SPAG16: variants seen among roughly 807,000 people sequenced by gnomAD.
SPAG16 encodes the protein sperm associated antigen 16.
Under a neutral mutation model 80.4 loss-of-function variants are expected in SPAG16, and 86 were observed. The observed-to-expected ratio is 1.07, with a 90% CI of 0.90 to 1.28. SPAG16 has a LOEUF of 1.28. SPAG16 is among the 50% of genes most tolerant of loss of function. The pLI is 0.00. For missense variants in SPAG16, 870 were observed against 765.3 expected, an observed-to-expected ratio of 1.14 and a Z score of -1.61; for synonymous variants, 294 against 265.9, an observed-to-expected ratio of 1.11 and a Z score of -1.03.
rs988706349 is a variant in SPAG16, at chr2:213,812,805, G to A, written c.1071-49680G>A. On this transcript the variant is annotated intron_variant, in intron 10 of 15. Transcript: ENST00000331683. ...CCTATCATCTCTAGGAAACTGGGACGAGTACTTAAAACTAAACATGTTTTG... is the reference window on the plus strand; with the variant it reads ...CCTATCATCTCTAGGAAACTGGGACAAGTACTTAAAACTAAACATGTTTTG... Among the ~76,000 whole-genome samples, 14 of 151,902 alleles carry A rather than the reference G, an allele frequency of 9.2e-5. No individual in the cohort carries two copies. In the South Asian group the frequency reaches 1.9e-3, roughly 20 times the overall value.
intron 15 of SPAG16, among the ~76,000 whole-genome samples, chr2:214,340,849 C>T (rs1170104247): frequency 6.6e-6 from 1 of 152,144 alleles, no homozygotes; most frequent in East Asian, 1.9e-4. Flanking sequence ...CACTCAGAAA[C>T]AGTCTTCTTT....
chr2:213,590,446 G>GAA (rs112750165), intron 10 of SPAG16, among the ~76,000 whole-genome samples: 12 of 123,826 alleles, frequency 9.7e-5, no homozygotes, highest in African/African-American at 2.4e-4. Context: ...AAAACAACAA[G>GAA]AAAAAAAAAA....
intron 11 of SPAG16, among the ~76,000 whole-genome samples, chr2:213,922,601 T>A (rs2078276021): frequency 6.6e-6 from 1 of 152,224 alleles, no homozygotes; most frequent in African/African-American, 2.4e-5. Context: ...AAGAAGGTAC[T>A]CTGGCTTTTC....
At position 213,428,821 on chromosome 2, in the gene SPAG16, G is replaced by T. The variant is rs1202071282; in HGVS notation, c.942+53702G>T. ...GAATGAGAGGAGAAGGCTGGGCATG[G>T]TGGCTCATGCCTGTAATCCCAGCAC... On this transcript the variant is annotated intron_variant, in intron 9 of 15. Transcript: ENST00000331683. Among the ~76,000 whole-genome samples the T allele has an allele frequency of 2.6e-5, 4 of 152,142 alleles. No homozygotes were observed. The East Asian group carries it at 7.7e-4, about 29-fold the overall frequency.
intron 1 of SPAG16, among the ~76,000 whole-genome samples, chr2:213,294,278 T>G (rs2062413370): frequency 6.6e-6 from 1 of 152,084 alleles, no homozygotes; most frequent in Admixed American, 6.5e-5. Context: ...GCTTTGAAAC[T>G]GGGGATTAGG....
At chr2:213,695,986 A>G (rs1437061199) in intron 10 of SPAG16, among the ~76,000 whole-genome samples, 1 of 152,202 alleles carries the variant, frequency 6.6e-6, no homozygotes, top group African/African-American at 2.4e-5. Flanking sequence ...ATTATTTAGT[A>G]GGTAATTCAA....
At chr2:214,294,893 G>A (rs547063633) in intron 15 of SPAG16, among the ~76,000 whole-genome samples, 1 of 152,120 alleles carries the variant, frequency 6.6e-6, no homozygotes, top group African/African-American at 2.4e-5. Flanking sequence ...TTAGTATGTA[G>A]CCAACATTAA....
rs534177989 is a variant in SPAG16, at chr2:213,976,193, T to A, written c.1401-37758T>A. ...ATATATATACATGTATGTGCGTATG[T>A]GTATATATACACATACATATGTACG... On this transcript the variant is annotated intron_variant, in intron 12 of 15. Transcript: ENST00000331683. Among the ~76,000 whole-genome samples the A allele has an allele frequency of 1.5e-4, 22 of 150,118 alleles. No homozygotes were observed. The South Asian group carries it at 4.2e-3, about 28-fold the overall frequency.
chr2:214,370,760 G>C (rs1199646758), intron 15 of SPAG16, among the ~76,000 whole-genome samples: 1 of 152,182 alleles, frequency 6.6e-6, no homozygotes, highest in Non-Finnish European at 1.5e-5. Context: ...TTGTCAAAGA[G>C]TACAAGCTTT....
chr2:214,123,566 AG>A (rs1465729431), intron 14 of SPAG16, among the ~76,000 whole-genome samples: 1 of 152,058 alleles, frequency 6.6e-6, no homozygotes, highest in African/African-American at 2.4e-5. Context: ...AAAAATACCA[AG>A]TCCTGTCCTC....
intron 12 of SPAG16, among the ~76,000 whole-genome samples, chr2:213,994,584 T>G (rs2046429582): frequency 6.6e-6 from 1 of 152,016 alleles, no homozygotes; most frequent in South Asian, 2.1e-4. Context: ...ATCCTTTTTT[T>G]TTTTTTTTTT....
intron 11 of SPAG16, among the ~76,000 whole-genome samples, chr2:213,919,415 G>A (rs956921119): frequency 1.6e-4 from 24 of 151,922 alleles, no homozygotes; most frequent in African/African-American, 5.8e-4. Context: ...TTTTGATGTG[G>A]GCATTTAGTG....
intron 9 of SPAG16, among the ~76,000 whole-genome samples, chr2:213,470,133 A>C (rs1315614909): frequency 1.3e-5 from 2 of 152,192 alleles, no homozygotes; most frequent in East Asian, 3.9e-4. Flanking sequence ...CAGAACATGC[A>C]TGGCCTTCTG....
chr2:213,676,296 G>T lies in SPAG16; in HGVS notation c.1071-186189G>T, dbSNP rs1359403150. ...CGAGATTTTGGGATGAGACAATGGG[G>T]TTTTCTAGATATACAATCATGTTGT... On this transcript the variant is annotated intron_variant, in intron 10 of 15. Coordinates refer to ENST00000331683, the MANE Select transcript of SPAG16 (RefSeq NM_024532.5). Among the ~76,000 whole-genome samples the T allele has an allele frequency of 3.9e-5, 6 of 152,274 alleles. No homozygotes were observed. The South Asian group carries it at 1.0e-3, about 26-fold the overall frequency.
At chr2:213,913,354 A>G (rs2077767021) in intron 11 of SPAG16, among the ~76,000 whole-genome samples, 2 of 152,014 alleles carry the variant, frequency 1.3e-5, no homozygotes, top group African/African-American at 2.4e-5. Flanking sequence ...CATTCTGCAT[A>G]TCTGGAGATT....
At chr2:213,450,031 A>G (rs2071591960) in intron 9 of SPAG16, among the ~76,000 whole-genome samples, 1 of 152,190 alleles carries the variant, frequency 6.6e-6, no homozygotes, top group Non-Finnish European at 1.5e-5. Flanking sequence ...CAGGCCAGAC[A>G]TGGTGGCTCA....
chr2:213,727,091 T>A lies in SPAG16; in HGVS notation c.1071-135394T>A, dbSNP rs189096317. Among the ~76,000 whole-genome samples the A allele has an allele frequency of 2.6e-5, 4 of 152,204 alleles. No homozygotes were observed. In the South Asian group the frequency reaches 6.2e-4, roughly 24 times the overall value. On this transcript the variant is annotated intron_variant, in intron 10 of 15. Coordinates refer to ENST00000331683, the MANE Select transcript of SPAG16 (RefSeq NM_024532.5). The stretch of plus-strand genomic sequence containing the variant: ...CGATCCCCAACTTCTCAAGACATAA[T>A]GAATATACATTGAAATTTAAAGTAC...
At chr2:213,354,246 A>G (rs571497457) in intron 7 of SPAG16, among the ~76,000 whole-genome samples, 18 of 152,310 alleles carry the variant, frequency 1.2e-4, no homozygotes, top group African/African-American at 4.3e-4. Context: ...ATAGTATTCC[A>G]TGATGTATAT....
intron 13 of SPAG16, among the ~76,000 whole-genome samples, chr2:214,039,955 G>C (rs1283505351): frequency 6.6e-6 from 1 of 152,176 alleles, no homozygotes; most frequent in Non-Finnish European, 1.5e-5. Context: ...TAGGGGTACA[G>C]TCATAGGGTT....
Sources: gnomAD v4.1 joint callset for allele counts (sites outside exome capture counted in the v4.1 genomes callset) on GRCh38, gnomAD v4.1.1 for gene constraint, MANE v1.5 for transcripts, NCBI Gene and HGNC (gene_info 2026-07-23, HGNC 2026-07-21) for gene names.